PARD3B: variants seen among roughly 807,000 people sequenced by gnomAD.
PARD3B encodes partitioning defective 3 homolog B.
PARD3B carries 103 observed loss-of-function variants against 130.2 expected under a neutral mutation model. That is an observed-to-expected ratio of 0.79 (90% CI 0.67 to 0.93). PARD3B has a LOEUF of 0.93. Among genes scored for constraint, PARD3B ranks in the 40% least tolerant of loss-of-function variants. The pLI is 0.00. For synonymous variants in PARD3B, 583 were observed against 553.2 expected (o/e 1.05, Z -0.76); for missense variants, 1,609 against 1,499.2 (o/e 1.07, Z -1.21).
chr2:205,055,666 G>A (rs1028000392), intron 4 of PARD3B, among the ~76,000 whole-genome samples: 13 of 152,082 alleles, frequency 8.5e-5, no homozygotes, highest in African/African-American at 3.1e-4. Flanking sequence ...GTTGTTCTTA[G>A]GGACTTATCC....
intron 20 of PARD3B, among the ~76,000 whole-genome samples, chr2:205,499,438 T>C (rs553631199): frequency 2.0e-5 from 3 of 152,240 alleles, no homozygotes; most frequent in Admixed American, 2.0e-4. Flanking sequence ...ACTCCCAAAG[T>C]TCATGAGCCT....
chr2:204,693,758 A>T (rs918729525), intron 2 of PARD3B, among the ~76,000 whole-genome samples: 5 of 152,046 alleles, frequency 3.3e-5, no homozygotes, highest in Non-Finnish European at 2.9e-5. Context: ...TTTATTATGT[A>T]TCATGGACTT....
intron 2 of PARD3B, among the ~76,000 whole-genome samples, chr2:204,892,724 A>G (rs988239882): frequency 1.3e-5 from 2 of 152,162 alleles, no homozygotes; most frequent in African/African-American, 2.4e-5. Context: ...GCAGCCTCAA[A>G]AAGATTCATT....
intron 2 of PARD3B, among the ~76,000 whole-genome samples, chr2:204,706,163 C>A (rs925665693): frequency 1.3e-5 from 2 of 151,958 alleles, no homozygotes; most frequent in South Asian, 2.1e-4. Flanking sequence ...GTCAGGAGAT[C>A]GAGACCATGC....
chr2:205,092,610 A>T (rs185187303), intron 4 of PARD3B, among the ~76,000 whole-genome samples: 1 of 152,230 alleles, frequency 6.6e-6, no homozygotes, highest in East Asian at 1.9e-4. Context: ...TTCTACCTTG[A>T]CCCACGATTA....
chr2:205,058,360 C>T (rs1362205417), intron 4 of PARD3B, among the ~76,000 whole-genome samples: 1 of 151,958 alleles, frequency 6.6e-6, no homozygotes, highest in Non-Finnish European at 1.5e-5. Flanking sequence ...ACTTGAGTTG[C>T]TTCCACATTT....
At chr2:204,842,125 A>G (rs554078206) in intron 2 of PARD3B, among the ~76,000 whole-genome samples, 1 of 152,208 alleles carries the variant, frequency 6.6e-6, no homozygotes, top group South Asian at 2.1e-4. Flanking sequence ...CATTTCATGG[A>G]AGGATATTGA....
rs146745797 is a variant in PARD3B at position 204,548,321 on chromosome 2, T to A, written c.120+2202T>A. Reference sequence around the variant, plus strand: ...GAATTTCTGCACTTCGTAATAATAATCACACTAACATGTAACATGTATTGT... The same window carrying A: ...GAATTTCTGCACTTCGTAATAATAAACACACTAACATGTAACATGTATTGT... On this transcript the variant is annotated intron_variant, in intron 1 of 22. Transcript: ENST00000406610. Among the ~76,000 whole-genome samples, 1,078 of 152,282 alleles carry A rather than the reference T, an allele frequency of 7.1e-3. 16 individuals are homozygous for A. The highest frequency in any genetic ancestry group is 0.025 in the African/African-American group (1,024 of 41,556).
intron 18 of PARD3B, among the ~76,000 whole-genome samples, chr2:205,323,884 A>T (rs2105974209): frequency 6.6e-6 from 1 of 152,328 alleles, no homozygotes; most frequent in African/African-American, 2.4e-5. Flanking sequence ...AGATCCCATC[A>T]AGTGTAAACC....
chr2:205,486,038 G>GC (rs777367362), intron 20 of PARD3B, among the ~76,000 whole-genome samples: 15 of 152,126 alleles, frequency 9.9e-5, no homozygotes, highest in Non-Finnish European at 1.6e-4. Context: ...AATCACCTTT[G>GC]CATCCCTAAG....
intron 1 of PARD3B, among the ~76,000 whole-genome samples, chr2:204,572,854 G>A (rs11680708): frequency 0.62 from 93,564 of 152,096 alleles, 32,820 homozygotes; most frequent in Non-Finnish European, 0.78. Context: ...CTTGTAGGAA[G>A]CTATAATTCT....
intron 22 of PARD3B, among the ~76,000 whole-genome samples, chr2:205,604,604 G>T (rs2054915614): frequency 6.6e-6 from 1 of 152,124 alleles, no homozygotes; most frequent in Admixed American, 6.5e-5. Context: ...TTCTTTTGTA[G>T]GTGACCTGGC....
intron 21 of PARD3B, among the ~76,000 whole-genome samples, chr2:205,524,795 G>A (rs1460399879): frequency 6.6e-6 from 1 of 152,120 alleles, no homozygotes; most frequent in African/African-American, 2.4e-5. Context: ...TCCTCTGCCT[G>A]CTCCCCAGGA....
intron 11 of PARD3B, among the ~76,000 whole-genome samples, chr2:205,169,930 C>CTTTTTT (rs200935015): frequency 1.6e-5 from 2 of 126,640 alleles, no homozygotes; most frequent in Non-Finnish European, 3.4e-5. Flanking sequence ...TTCCCCCCAC[C>CTTTTTT]CTTTTTTTTT....
intron 2 of PARD3B, among the ~76,000 whole-genome samples, chr2:204,898,654 A>ATTC (rs2046734088): frequency 6.6e-6 from 1 of 152,156 alleles, no homozygotes. Flanking sequence ...TGTAGTGAAG[A>ATTC]TTAACTCCAG....
At chr2:205,356,752 G>A (rs1378777932) in intron 18 of PARD3B, among the ~76,000 whole-genome samples, 1 of 151,996 alleles carries the variant, frequency 6.6e-6, no homozygotes, top group Non-Finnish European at 1.5e-5. Context: ...TTAGTCGGGT[G>A]TGGTAGCAGG....
chr2:204,626,852 A>G (rs1264976808), intron 1 of PARD3B, among the ~76,000 whole-genome samples: 2 of 152,096 alleles, frequency 1.3e-5, no homozygotes, highest in Non-Finnish European at 2.9e-5. Context: ...AGAATTTCAC[A>G]GGAACACCCA....
chr2:204,682,574 T>G (rs760658527), intron 1 of PARD3B, among the ~76,000 whole-genome samples: 7 of 152,220 alleles, frequency 4.6e-5, no homozygotes, highest in Non-Finnish European at 8.8e-5. Context: ...GTAGGTAAGA[T>G]TCTTCTAGTA....
At chr2:204,977,031 C>T (rs1692234912) in intron 3 of PARD3B, among the ~76,000 whole-genome samples, 1 of 152,136 alleles carries the variant, frequency 6.6e-6, no homozygotes, top group Admixed American at 6.5e-5. Flanking sequence ...TATGCCTTCT[C>T]CTAAACCATA....
Sources: allele counts gnomAD v4.1 joint callset (sites outside exome capture counted in the v4.1 genomes callset), GRCh38; gene constraint gnomAD v4.1.1; transcripts MANE v1.5; gene names NCBI Gene and HGNC (gene_info 2026-07-23, HGNC 2026-07-21).